Variants in MYOCD observed in about 807,000 individuals in gnomAD.
MYOCD encodes myocardin.
Under a neutral mutation model 96.1 loss-of-function variants are expected in MYOCD, and 32 were observed. That is an observed-to-expected ratio of 0.33 (90% confidence interval 0.25 to 0.45). The LOEUF (loss-of-function observed/expected upper bound fraction) is 0.45, where lower values mean the gene tolerates loss of function less well. Ranked by LOEUF, MYOCD falls within the 20% of genes least tolerant of loss-of-function variation. MYOCD has a pLI of 1.00. For missense variants in MYOCD, 1,133 were observed against 1,200.6 expected (o/e 0.94, Z 0.83); for synonymous variants, 469 against 469.0 (o/e 1.00, Z 0.00).
At chr17:12,740,545 C>T (rs140164963) in intron 7 of MYOCD, among the ~76,000 whole-genome samples, 1 of 152,212 alleles carries the variant, frequency 6.6e-6, no homozygotes, top group East Asian at 1.9e-4. Context: ...TGTATATGTA[C>T]CACATTTTCT....
intron 5 of MYOCD, among the ~76,000 whole-genome samples, chr17:12,726,600 T>G (rs1174781153): frequency 6.6e-6 from 1 of 152,202 alleles, no homozygotes; most frequent in South Asian, 2.1e-4. Context: ...GCACTGCCTC[T>G]GTATTATGGA....
chr17:12,747,726 A>G (rs1402941371), intron 9 of MYOCD, among the ~76,000 whole-genome samples: 1 of 152,246 alleles, frequency 6.6e-6, no homozygotes, highest in Non-Finnish European at 1.5e-5. Flanking sequence ...GAAAGGTCAT[A>G]TAATGAAGGT....
intron 1 of MYOCD, among the ~76,000 whole-genome samples, chr17:12,699,896 T>A (rs1277010882): frequency 2.0e-5 from 3 of 147,816 alleles, no homozygotes; most frequent in Non-Finnish European, 3.0e-5. Context: ...ATATTTCTTT[T>A]TTTTTTTTTA....
intron 1 of MYOCD, among the ~76,000 whole-genome samples, chr17:12,689,371 T>G (rs1165390488): frequency 2.0e-5 from 3 of 152,180 alleles, no homozygotes; most frequent in Non-Finnish European, 4.4e-5. Context: ...AAAGTATATA[T>G]TTTGTCAGAT....
rs143288765 is a variant in MYOCD, at chr17:12,746,538, G to A, written c.1125+466G>A. Among the ~76,000 whole-genome samples, 525 of 152,256 alleles carry A rather than the reference G, an allele frequency of 3.4e-3. 4 individuals carry two copies. The highest frequency in any genetic ancestry group is 0.012 in the African/African-American group (497 of 41,546). ...AGTAAGACAGGAGACAAGTGAGACAGGAGATGCTTTAGCCAAAGAGAAACA... is the reference window on the plus strand; with the variant it reads ...AGTAAGACAGGAGACAAGTGAGACAAGAGATGCTTTAGCCAAAGAGAAACA... On this transcript the variant is annotated intron_variant, in intron 9 of 13. Coordinates refer to ENST00000425538, the MANE Select transcript of MYOCD (RefSeq NM_001146312.3).
Position 12,713,218 on chromosome 17 carries a change from G to A in MYOCD, c.122-2301G>A, listed in dbSNP as rs1011451817. ...GTTCCAGAAGACCTTTGTGCTCCTG[G>A]CATCAGAGAACTGGACCGTGTGAAT... On this transcript the variant is annotated intron_variant, in intron 2 of 13. Transcript: ENST00000425538. Among the ~76,000 whole-genome samples the A allele has an allele frequency of 2.0e-5, 3 of 152,268 alleles. No individual in the cohort carries two copies. In the East Asian group the frequency reaches 5.8e-4, roughly 29 times the overall value.
At chr17:12,720,915 G>A (rs1465057502) in intron 4 of MYOCD, among the ~76,000 whole-genome samples, 51 of 150,288 alleles carry the variant, frequency 3.4e-4, no homozygotes, top group South Asian at 4.2e-4. Context: ...CCAGCTACTC[G>A]GGAGGCTGAG....
intron 5 of MYOCD, among the ~76,000 whole-genome samples, chr17:12,729,354 G>A (rs1377822932): frequency 6.6e-6 from 1 of 152,060 alleles, no homozygotes; most frequent in Non-Finnish European, 1.5e-5. Context: ...AGGAAAGGGT[G>A]AGCGCTGAGA....
At chr17:12,697,548 G>C (rs2030834519) in intron 1 of MYOCD, among the ~76,000 whole-genome samples, 2 of 151,110 alleles carry the variant, frequency 1.3e-5, no homozygotes, top group Admixed American at 1.3e-4. Context: ...ATCTTTAGTA[G>C]AGATGGGGTT....
Position 12,750,124 on chromosome 17 carries a change from A to C in MYOCD, c.1126-2290A>C, listed in dbSNP as rs12449467. Among the ~76,000 whole-genome samples the C allele has an allele frequency of 0.019, 2,895 of 152,112 alleles. 137 individuals carry two copies. The East Asian group carries it at 0.19, about 10-fold the overall frequency. On this transcript the variant is annotated intron_variant, in intron 9 of 13. Transcript: ENST00000425538. ...AGTTCTGGGATTACAGGAGTGAGCC[A>C]CGGCGCCCGGCTAAAGTTTTTGATA...
intron 1 of MYOCD, among the ~76,000 whole-genome samples, chr17:12,704,435 G>A (rs1450507894): frequency 6.6e-6 from 1 of 151,876 alleles, no homozygotes; most frequent in East Asian, 1.9e-4. Context: ...CGTAATATTG[G>A]GAACATACTT....
chr17:12,694,990 A>G (rs2030675278), intron 1 of MYOCD, among the ~76,000 whole-genome samples: 1 of 151,778 alleles, frequency 6.6e-6, no homozygotes, highest in Non-Finnish European at 1.5e-5. Flanking sequence ...TTGATATATT[A>G]CTAATAAAAA....
In MYOCD at chr17:12,752,807, C is replaced by T. The variant is rs548285922; in HGVS notation, c.1519C>T (p.Pro507Ser). Residue 507 changes from proline to serine, a missense_variant, in exon 10 of 14, where the codon CCT becomes TCT. Physicochemically the swap from Pro to Ser is moderately conservative, Grantham distance 74 (BLOSUM62 -1). Coordinates refer to ENST00000425538, the MANE Select transcript of MYOCD (RefSeq NM_001146312.3). ...GAGCAGCCTGAATGGGGGCTCTGTT[C>T]CTTCTGAGCTGGATGGGCTGGACTC... ...LMSSLNGGSV[P>S]SELDGLDSEK... is the part of the protein sequence containing the mutation. The T allele has an allele frequency of 8.4e-5, 135 of 1,614,010 alleles. No individual in the cohort carries two copies. In the South Asian group the frequency reaches 9.8e-4, roughly 12 times the overall value.
Position 12,703,285 on chromosome 17 carries a change from ATC to A in MYOCD, c.56-1841_56-1840del, listed in dbSNP as rs1375684801. Among the ~76,000 whole-genome samples, 10 of 152,040 alleles carry A rather than the reference ATC, an allele frequency of 6.6e-5. No homozygotes were observed. The East Asian group carries it at 1.9e-3, about 29-fold the overall frequency. ...ACCTGTTTTTAAGATTTTTCTCTCTATCTTTAGCTTCAGCCATTGGATTATTA... is the reference window on the plus strand; with the variant it reads ...ACCTGTTTTTAAGATTTTTCTCTCTATTTAGCTTCAGCCATTGGATTATTA... On this transcript the variant is annotated intron_variant, in intron 1 of 13. Transcript: ENST00000425538.
intron 1 of MYOCD, among the ~76,000 whole-genome samples, chr17:12,678,977 A>G (rs73299032): frequency 0.12 from 18,188 of 152,092 alleles, 2,031 homozygotes; most frequent in African/African-American, 0.3. Context: ...GTTTGATTGT[A>G]CAGATGAGGT....
At chr17:12,739,351 G>A (rs1243849260) in intron 7 of MYOCD, 23 bp downstream of exon 7, 9 of 1,517,422 alleles carry the variant, frequency 5.9e-6, no homozygotes, top group Non-Finnish European at 7.9e-6. Flanking sequence ...CAGCCTCCAA[G>A]CCCTGCCTGA....
chr17:12,764,161 A>T lies in MYOCD; in HGVS notation c.*517A>T, dbSNP rs2033268638. ...AGAAGCCAGACCCAGCTTCAGATCA[A>T]AAGTTCTTGAGACAGAGGAACAAAA... On this transcript the variant is annotated 3_prime_UTR_variant, in exon 14 of 14. Coordinates refer to ENST00000425538, the MANE Select transcript of MYOCD (RefSeq NM_001146312.3). 6.6e-6 allele frequency: 1 copy of T among 152,486 alleles called. No individual in the cohort carries two copies. Among genetic ancestry groups the T allele is most frequent in the South Asian group, 2.1e-4 (1 of 4,826 alleles). The allele number at this position is 152,486 out of a possible 1,614,324, so 9.4% of individuals were successfully genotyped here.
rs946296261 is a variant in MYOCD at position 12,720,971 on chromosome 17, G to A, written c.254-1876G>A. Among the ~76,000 whole-genome samples the A allele has an allele frequency of 8.2e-5, 12 of 146,422 alleles. 1 individual carries two copies. The highest frequency in any genetic ancestry group is 8.1e-4 in the East Asian group (4 of 4,944). On this transcript the variant is annotated intron_variant, in intron 4 of 13. Coordinates refer to ENST00000425538, the MANE Select transcript of MYOCD (RefSeq NM_001146312.3). ...CGGGAGGCAGAGCTGGCAGTGAGCC[G>A]AGATCACGCCACTGCACTCCAGCCT...
chr17:12,722,184 C>G (rs373397292), intron 4 of MYOCD, among the ~76,000 whole-genome samples: 1 of 152,142 alleles, frequency 6.6e-6, no homozygotes, highest in Non-Finnish European at 1.5e-5. Flanking sequence ...CTGAGTTCTT[C>G]CACAGAAATA....
Sources: gnomAD v4.1 joint callset for allele counts (sites outside exome capture counted in the v4.1 genomes callset) on GRCh38, gnomAD v4.1.1 for gene constraint, MANE v1.5 for transcripts, NCBI Gene and HGNC (gene_info 2026-07-23, HGNC 2026-07-21) for gene names.